HSD17B11: variants seen among roughly 807,000 people sequenced by gnomAD.
HSD17B11 encodes the protein hydroxysteroid 17-beta dehydrogenase 11.
A neutral mutation model predicts 27.8 loss-of-function variants in HSD17B11; 22 were observed. The observed-to-expected ratio is 0.79, with a 90% CI of 0.56 to 1.13. The LOEUF is 1.13. Among genes scored for constraint, HSD17B11 ranks in the 50% most tolerant of loss-of-function variants. The pLI is 0.00. For missense variants in HSD17B11, 314 were observed against 351.1 expected (o/e 0.89, Z 0.84); for synonymous variants, 117 against 132.8 (o/e 0.88, Z 0.82).
At chr4:87,364,444 G>A (rs1735582227) in intron 4 of HSD17B11, among the ~76,000 whole-genome samples, 2 of 152,148 alleles carry the variant, frequency 1.3e-5, no homozygotes, top group South Asian at 4.1e-4. Flanking sequence ...CATTATGAGA[G>A]AGCTTTGGTG....
At chr4:87,387,430 C>T (rs1459276326) in intron 1 of HSD17B11, among the ~76,000 whole-genome samples, 2 of 152,150 alleles carry the variant, frequency 1.3e-5, no homozygotes. Context: ...CCAGCTAGAT[C>T]TCATAACAAT....
intron 4 of HSD17B11, among the ~76,000 whole-genome samples, chr4:87,370,755 A>ATTTTT (rs57047986): frequency 3.5e-5 from 2 of 57,534 alleles, no homozygotes; most frequent in Non-Finnish European, 6.6e-5. Flanking sequence ...TATTATTATT[A>ATTTTT]TTTTTTTTTT....
At chr4:87,366,430 T>C (rs979464368) in intron 4 of HSD17B11, among the ~76,000 whole-genome samples, 105 of 152,322 alleles carry the variant, frequency 6.9e-4, no homozygotes, top group African/African-American at 2.4e-3. Flanking sequence ...AATACATTAA[T>C]GTAAAGGTGA....
At chr4:87,367,897 C>T (rs1259934011) in intron 4 of HSD17B11, among the ~76,000 whole-genome samples, 1 of 152,238 alleles carries the variant, frequency 6.6e-6, no homozygotes, top group Admixed American at 6.5e-5. Flanking sequence ...AATAACTTTA[C>T]TTACTTTGCT....
rs774254146 is a variant in HSD17B11, at chr4:87,372,763, A to AC, written c.502dup (p.Val168GlyfsTer30). 4 of 1,614,018 alleles carry AC rather than the reference A, an allele frequency of 2.5e-6. No individual in the cohort carries two copies. The East Asian group carries it at 8.9e-5, about 36-fold the overall frequency. On this transcript the variant is annotated frameshift_variant, in exon 4 of 7. Coordinates refer to ENST00000358290, the MANE Select transcript of HSD17B11 (RefSeq NM_016245.5). LOFTEE classifies it high-confidence loss of function. ...ATGTCCAGCTGCCGAAGCCACAGTGACAATATGGCCATGGTTATTCTTCGT... is the reference window on the plus strand; with the variant it reads ...ATGTCCAGCTGCCGAAGCCACAGTGACCAATATGGCCATGGTTATTCTTCGT...
chr4:87,347,103 A>ATTTTTTTTTTTTTTTT (rs763068482), intron 5 of HSD17B11, among the ~76,000 whole-genome samples: 6 of 62,584 alleles, frequency 9.6e-5, no homozygotes, highest in Non-Finnish European at 1.1e-4. Flanking sequence ...AGTATTCTGG[A>ATTTTTTTTTTTTTTTT]TTTTTTTTTT....
chr4:87,364,297 C>T (rs1467061386), intron 4 of HSD17B11, among the ~76,000 whole-genome samples: 1 of 150,856 alleles, frequency 6.6e-6, no homozygotes, highest in Admixed American at 6.6e-5. Context: ...GAAAAAAAAC[C>T]CCTCTGTTTT....
At chr4:87,390,017 TGGGGCGTTTACAG>T (rs1459289093) in intron 1 of HSD17B11, among the ~76,000 whole-genome samples, 1 of 152,170 alleles carries the variant, frequency 6.6e-6, no homozygotes, top group East Asian at 1.9e-4. Context: ...TGGAGTGCAG[TGGGGCGTTTACAG>T]CTCACTGCAG....
intron 4 of HSD17B11, among the ~76,000 whole-genome samples, chr4:87,364,755 A>C (rs919594027): frequency 6.6e-6 from 1 of 152,168 alleles, no homozygotes; most frequent in Admixed American, 6.5e-5. Flanking sequence ...TACCACCTTT[A>C]ATTTTGGAGA....
chr4:87,337,389 T>C, intron 6 of HSD17B11, 23 bp from the exon 7 acceptor site: 1 of 1,326,674 alleles, frequency 7.5e-7, no homozygotes, highest in Admixed American at 1.8e-5. Flanking sequence ...TATATGCAAA[T>C]AATTAGAAAA....
In HSD17B11 at chr4:87,382,392, A is replaced by T. The variant is rs764161801; in HGVS notation, c.211-30T>A. On this transcript the variant is annotated intron_variant, in intron 1 of 6. Coordinates refer to ENST00000358290, the MANE Select transcript of HSD17B11 (RefSeq NM_016245.5). Reference sequence around the variant, plus strand: ...AAAAAGCAAAAAAGAGGGCAAGGTAATAATTGATATGAACATATTATATCG... The same window carrying T: ...AAAAAGCAAAAAAGAGGGCAAGGTATTAATTGATATGAACATATTATATCG... 72 of 1,298,570 alleles carry T rather than the reference A, an allele frequency of 5.5e-5. No homozygotes were observed. The Middle Eastern group carries it at 1.3e-3, about 23-fold the overall frequency. 80.4% of individuals were successfully genotyped at this position (1,298,570 alleles called of 1,614,324 possible).
chr4:87,364,143 TTTTTG>T (rs79409660), intron 4 of HSD17B11, among the ~76,000 whole-genome samples: 25,311 of 151,542 alleles, frequency 0.17, 2,270 homozygotes, highest in African/African-American at 0.21. Context: ...TATTTTTGTT[TTTTTG>T]TTTTGTTTTG....
At chr4:87,358,484 C>A (rs1735435423) in intron 4 of HSD17B11, among the ~76,000 whole-genome samples, 1 of 152,050 alleles carries the variant, frequency 6.6e-6, no homozygotes, top group South Asian at 2.1e-4. Flanking sequence ...ATTACTTTCT[C>A]AGGTTTTTTT....
chr4:87,376,000 T>G (rs1321525193), intron 2 of HSD17B11, among the ~76,000 whole-genome samples: 1 of 152,192 alleles, frequency 6.6e-6, no homozygotes, highest in Non-Finnish European at 1.5e-5. Context: ...ATTCTTCCTC[T>G]GCAAAATAGA....
rs561510945 is a variant in HSD17B11, at chr4:87,343,294, T to C, written c.696-2688A>G. Among the ~76,000 whole-genome samples, 10 of 152,322 alleles carry C rather than the reference T, an allele frequency of 6.6e-5. No individual in the cohort carries two copies. The South Asian group carries it at 2.1e-3, about 32-fold the overall frequency. ...TATCTTAATCATTAAAATGTCAGTA[T>C]GTGGAAACATTTTTTTTCCCAATAC... On this transcript the variant is annotated intron_variant, in intron 5 of 6. Transcript: ENST00000358290.
At chr4:87,354,287 A>C (rs1735339342) in intron 5 of HSD17B11, among the ~76,000 whole-genome samples, 1 of 151,978 alleles carries the variant, frequency 6.6e-6, no homozygotes, top group Non-Finnish European at 1.5e-5. Context: ...CAATATGATG[A>C]AACTCCGTCT....
chr4:87,343,044 C>A (rs1735199081), intron 5 of HSD17B11, among the ~76,000 whole-genome samples: 1 of 152,140 alleles, frequency 6.6e-6, no homozygotes. Flanking sequence ...CTTATAGACA[C>A]CTGTGTAAAT....
At chr4:87,358,241 G>A (rs1314071750) in intron 4 of HSD17B11, among the ~76,000 whole-genome samples, 2 of 152,014 alleles carry the variant, frequency 1.3e-5, no homozygotes, top group African/African-American at 4.8e-5. Context: ...CATTACAGGC[G>A]TGAGCCACCA....
intron 2 of HSD17B11, 41 bp downstream of exon 2, chr4:87,382,214 G>A (rs771233079): frequency 1.5e-5 from 21 of 1,442,730 alleles, no homozygotes; most frequent in Non-Finnish European, 2.0e-5. Context: ...ACACCTCCTA[G>A]CTCTAACATG....
Sources: gnomAD v4.1 joint callset for allele counts (sites outside exome capture counted in the v4.1 genomes callset) on GRCh38, gnomAD v4.1.1 for gene constraint, MANE v1.5 for transcripts, NCBI Gene and HGNC (gene_info 2026-07-23, HGNC 2026-07-21) for gene names.